The following SPATA9 variants were observed in gnomAD, a reference collection of about 807,000 sequenced individuals.
The protein encoded by SPATA9 is spermatogenesis associated 9.
In SPATA9, 27 loss-of-function variants were observed where a neutral mutation model predicts 25.5. The ratio of observed to expected loss-of-function variants is 1.06; its 90% CI spans 0.78 to 1.46. The LOEUF is 1.46. Ranked by LOEUF, SPATA9 falls within the 40% of genes most tolerant of loss-of-function variation. SPATA9 has a pLI of 0.00. For missense variants in SPATA9, 282 were observed against 297.5 expected (o/e 0.95, Z 0.38); for synonymous variants, 102 against 105.7 (o/e 0.97, Z 0.21).
rs148808806 is a variant in SPATA9, at chr5:95,674,783, C to T, written c.378+629G>A. 3.3e-3 allele frequency: 1,501 copies of T among 456,608 alleles called. 6 individuals carry two copies. The highest frequency in any genetic ancestry group is 5.1e-3 in the Non-Finnish European group (1,160 of 226,928). The allele number at this position is 456,608 out of a possible 1,614,324, so 28.3% of individuals were successfully genotyped here. A position where few individuals can be genotyped will look rare whatever the true frequency, so the allele number is the denominator to read the frequency against. On this transcript the variant is annotated intron_variant, in intron 3 of 4. Coordinates refer to ENST00000274432, the MANE Select transcript of SPATA9 (RefSeq NM_031952.4). ...TTTAACTCAATTGGAGCCCCATTTT[C>T]TTCTCCTTCAACAAAGAGTTCAAAT...
downstream of SPATA9, chr5:95,656,162 G>A: frequency 6.2e-7 from 1 of 1,614,000 alleles, no homozygotes; most frequent in Admixed American, 1.7e-5. Flanking sequence ...CAAAACCCAA[G>A]TGGTGCTCCA....
At chr5:95,700,476 T>TATATATATATA (rs1754152345), upstream of SPATA9, among the ~76,000 whole-genome samples, 1 of 152,092 alleles carries the variant, frequency 6.6e-6, no homozygotes, top group Non-Finnish European at 1.5e-5. Context: ...ATTTTTATAT[T>TATATATATATA]TTTCATAGAG....
intron 3 of SPATA9, among the ~76,000 whole-genome samples, chr5:95,673,400 G>A (rs1009595139): frequency 1.3e-5 from 2 of 152,140 alleles, no homozygotes; most frequent in Non-Finnish European, 2.9e-5. Flanking sequence ...GTGTGTGCAT[G>A]TGCATATGTA....
chr5:95,694,156 T>C (rs1349783994), intron 1 of SPATA9, among the ~76,000 whole-genome samples: 1 of 151,742 alleles, frequency 6.6e-6, no homozygotes, highest in South Asian at 2.1e-4. Context: ...CAAGACCTAG[T>C]CTCAAAAAAA....
At chr5:95,683,144 T>G (rs1470940889), upstream of SPATA9, 1 of 507,532 alleles carries the variant, frequency 2.0e-6, no homozygotes, top group East Asian at 4.7e-5. Context: ...AGGAGTTCTA[T>G]GATATAAGTT....
At chr5:95,690,066 GA>G (rs2112704020) in intron 1 of SPATA9, among the ~76,000 whole-genome samples, 1 of 152,016 alleles carries the variant, frequency 6.6e-6, no homozygotes, top group Admixed American at 6.5e-5. Flanking sequence ...GAGAGGATGA[GA>G]AAAAATATTG....
the SPATA9 span, among the ~76,000 whole-genome samples, chr5:95,710,618 G>T: frequency 6.6e-6 from 1 of 152,110 alleles, no homozygotes; most frequent in Non-Finnish European, 1.5e-5. Context: ...TGGCTTTCAT[G>T]GACAAACAGG....
intron 3 of SPATA9, among the ~76,000 whole-genome samples, chr5:95,673,009 T>C (rs369077046): frequency 6.6e-6 from 1 of 152,172 alleles, no homozygotes; most frequent in South Asian, 2.1e-4. Flanking sequence ...TCCCTGAACA[T>C]GTCATAGGCC....
the SPATA9 span, among the ~76,000 whole-genome samples, chr5:95,721,693 TAAAA>T: frequency 7.6e-6 from 1 of 132,204 alleles, no homozygotes. Context: ...CTGAGAGCAT[TAAAA>T]AAAAAAAAAA....
At chr5:95,700,970 T>C (rs980313661), upstream of SPATA9, among the ~76,000 whole-genome samples, 2 of 152,274 alleles carry the variant, frequency 1.3e-5, no homozygotes, top group South Asian at 2.1e-4. Context: ...ACCACAAGAA[T>C]TTGAAAAAAC....
the SPATA9 span, chr5:95,717,600 A>G: frequency 6.6e-6 from 1 of 152,346 alleles, no homozygotes; most frequent in South Asian, 2.1e-4. Context: ...GGAAGAAAAT[A>G]TCCTGTCTCA....
At chr5:95,655,484 C>T (rs1217527342), downstream of SPATA9, 1 of 152,334 alleles carries the variant, frequency 6.6e-6, no homozygotes, top group East Asian at 1.9e-4. Context: ...TCACCCCAAC[C>T]CCTTAGACCT....
the SPATA9 span, among the ~76,000 whole-genome samples, chr5:95,718,508 T>C: frequency 6.6e-6 from 1 of 152,224 alleles, no homozygotes; most frequent in African/African-American, 2.4e-5. Context: ...ACAGAAAACA[T>C]GAGACTGAGG....
At chr5:95,717,624 G>C in the SPATA9 span, 1 of 152,180 alleles carries the variant, frequency 6.6e-6, no homozygotes, top group African/African-American at 2.4e-5. Context: ...TGCTGCCTCT[G>C]ATCTCTGCAT....
intron 2 of SPATA9, among the ~76,000 whole-genome samples, chr5:95,681,634 T>A (rs1339337847): frequency 6.6e-6 from 1 of 152,132 alleles, no homozygotes; most frequent in Admixed American, 6.5e-5. Context: ...CTCTCTCCAG[T>A]CCCAAGCAAT....
chr5:95,699,422 T>A (rs1754124677), upstream of SPATA9, among the ~76,000 whole-genome samples: 1 of 152,176 alleles, frequency 6.6e-6, no homozygotes, highest in Non-Finnish European at 1.5e-5. Flanking sequence ...ATGCTCTTAG[T>A]GTGGTGACCT....
chr5:95,693,035 T>C (rs1580356734), intron 1 of SPATA9, among the ~76,000 whole-genome samples: 2 of 152,352 alleles, frequency 1.3e-5, no homozygotes, highest in East Asian at 1.9e-4. Context: ...TTCCACAAAT[T>C]GTATTTTCAT....
chr5:95,689,355 A>G (rs1248752070), intron 1 of SPATA9, among the ~76,000 whole-genome samples: 1 of 152,242 alleles, frequency 6.6e-6, no homozygotes, highest in Non-Finnish European at 1.5e-5. Flanking sequence ...TGATAAATAC[A>G]TGAGTAAGGT....
chr5:95,728,344 T>G, the SPATA9 span, among the ~76,000 whole-genome samples: 3 of 152,204 alleles, frequency 2.0e-5, no homozygotes, highest in African/African-American at 7.2e-5. Flanking sequence ...ATCTTCCATT[T>G]CTTTATACCT....
Sources: allele counts gnomAD v4.1 joint callset (sites outside exome capture counted in the v4.1 genomes callset), GRCh38; gene constraint gnomAD v4.1.1; transcripts MANE v1.5; gene names NCBI Gene and HGNC (gene_info 2026-07-23, HGNC 2026-07-21).